ARK2C: variants seen among roughly 807,000 people sequenced by gnomAD.
The protein encoded by ARK2C is E3 ubiquitin-protein ligase ARK2C.
At chr18:46,372,950 A>G in the ARK2C span, among the ~76,000 whole-genome samples, 232 of 152,342 alleles carry the variant, frequency 1.5e-3, no homozygotes, top group African/African-American at 5.4e-3. Flanking sequence ...TAATGCCACC[A>G]TCATCAGCCT....
chr18:46,451,026 G>C, the ARK2C span, among the ~76,000 whole-genome samples: 1 of 151,966 alleles, frequency 6.6e-6, no homozygotes, highest in African/African-American at 2.4e-5. Flanking sequence ...AAGAAGGAGA[G>C]CTGGGTATCC....
At chr18:46,412,375 C>A in the ARK2C span, among the ~76,000 whole-genome samples, 1 of 152,244 alleles carries the variant, frequency 6.6e-6, no homozygotes, top group Non-Finnish European at 1.5e-5. Flanking sequence ...ACTAAGCCTG[C>A]AGGCAAACAT....
chr18:46,398,988 G>A, the ARK2C span, among the ~76,000 whole-genome samples: 1 of 152,122 alleles, frequency 6.6e-6, no homozygotes, highest in Non-Finnish European at 1.5e-5. Context: ...CCTGGGTGTG[G>A]CCGCCAGAGA....
the ARK2C span, among the ~76,000 whole-genome samples, chr18:46,380,198 C>T: frequency 2.0e-5 from 3 of 152,248 alleles, no homozygotes; most frequent in Admixed American, 6.5e-5. Flanking sequence ...ACTGGATGGT[C>T]TCTCTGCTGC....
chr18:46,342,319 G>A, the ARK2C span, among the ~76,000 whole-genome samples: 2,197 of 152,216 alleles, frequency 0.014, 51 homozygotes, highest in African/African-American at 0.05. Context: ...AGGCAAGAAT[G>A]AGAAAGGAAT....
At chr18:46,370,323 CT>C in the ARK2C span, among the ~76,000 whole-genome samples, 1 of 152,210 alleles carries the variant, frequency 6.6e-6, no homozygotes, top group Non-Finnish European at 1.5e-5. Flanking sequence ...GGATAATCAT[CT>C]TGTCCAAGAT....
At chr18:46,356,688 G>A in the ARK2C span, among the ~76,000 whole-genome samples, 1 of 152,152 alleles carries the variant, frequency 6.6e-6, no homozygotes, top group African/African-American at 2.4e-5. Flanking sequence ...AAGGTTGAGA[G>A]GGTGCCTGGG....
chr18:46,363,676 G>C, the ARK2C span, among the ~76,000 whole-genome samples: 8 of 152,188 alleles, frequency 5.3e-5, no homozygotes, highest in Non-Finnish European at 1.0e-4. Flanking sequence ...GGAGACTTAT[G>C]GGCTGCTTGA....
the ARK2C span, among the ~76,000 whole-genome samples, chr18:46,370,368 C>A: frequency 1.8e-4 from 27 of 152,246 alleles, no homozygotes; most frequent in Non-Finnish European, 2.8e-4. Flanking sequence ...AAATTAGAAG[C>A]AGGGAAATCA....
At chr18:46,381,692 G>A in the ARK2C span, among the ~76,000 whole-genome samples, 3 of 152,100 alleles carry the variant, frequency 2.0e-5, no homozygotes, top group South Asian at 2.1e-4. Flanking sequence ...TTAGCTAGGC[G>A]TAATAGCAAG....
the ARK2C span, among the ~76,000 whole-genome samples, chr18:46,371,074 T>A: frequency 2.0e-5 from 3 of 152,232 alleles, no homozygotes; most frequent in South Asian, 6.2e-4. Flanking sequence ...CAAAGGCACG[T>A]CTTACATGGT....
the ARK2C span, among the ~76,000 whole-genome samples, chr18:46,451,036 C>T: frequency 4.1e-3 from 624 of 152,208 alleles, 5 homozygotes; most frequent in African/African-American, 0.014. Context: ...GCTGGGTATC[C>T]GTGTGTGCAT....
the ARK2C span, among the ~76,000 whole-genome samples, chr18:46,397,666 TTGTG>T: frequency 1.3e-3 from 77 of 59,400 alleles, no homozygotes; most frequent in Admixed American, 4.3e-3. Flanking sequence ...TGGGGCAGAA[TTGTG>T]TGTGTGTGTG....
At chr18:46,337,078 G>T in the ARK2C span, 10 of 985,222 alleles carry the variant, frequency 1.0e-5, no homozygotes, top group Admixed American at 6.2e-5. Flanking sequence ...CCCTTCTGCT[G>T]CTCGCCAGCC....
the ARK2C span, among the ~76,000 whole-genome samples, chr18:46,397,866 G>T: frequency 7.4e-6 from 1 of 135,978 alleles, no homozygotes; most frequent in Non-Finnish European, 1.6e-5. Flanking sequence ...CATGTGGTGC[G>T]TATGTGTGTG....
the ARK2C span, chr18:46,386,892 C>G: frequency 6.6e-6 from 1 of 152,244 alleles, no homozygotes; most frequent in East Asian, 1.9e-4. Context: ...TTTCTAGTAC[C>G]TTTGGCATCA....
chr18:46,359,468 A>G, the ARK2C span, among the ~76,000 whole-genome samples: 1 of 152,168 alleles, frequency 6.6e-6, no homozygotes, highest in Non-Finnish European at 1.5e-5. Flanking sequence ...GGTTCTCAGC[A>G]GAGGGAGTAG....
chr18:46,387,882 G>A, the ARK2C span, among the ~76,000 whole-genome samples: 2 of 152,248 alleles, frequency 1.3e-5, no homozygotes, highest in African/African-American at 4.8e-5. Context: ...CAGGCTGCCA[G>A]TCCAGCTCTT....
At chr18:46,452,887 G>A in the ARK2C span, among the ~76,000 whole-genome samples, 1 of 151,990 alleles carries the variant, frequency 6.6e-6, no homozygotes, top group African/African-American at 2.4e-5. Context: ...GGCTTTTCTG[G>A]CCCCTCCCTG....
Sources: gnomAD v4.1 joint callset for allele counts (sites outside exome capture counted in the v4.1 genomes callset) on GRCh38, gnomAD v4.1.1 for gene constraint, MANE v1.5 for transcripts, NCBI Gene and HGNC (gene_info 2026-07-23, HGNC 2026-07-21) for gene names.